The following BTK variants were observed in gnomAD, a reference collection of about 807,000 sequenced individuals.
BTK encodes the protein tyrosine-protein kinase BTK.
Under a neutral mutation model 57.4 loss-of-function variants are expected in BTK, and 5 were observed. The observed-to-expected ratio is 0.09, with a 90% CI of 0.05 to 0.18. The LOEUF is 0.18. Among genes scored for constraint, BTK ranks in the 10% least tolerant of loss-of-function variants. BTK has a pLI of 1.00. For synonymous variants in BTK, 154 were observed against 174.3 expected, an observed-to-expected ratio of 0.88 and a Z score of 0.92; for missense variants, 194 against 501.2, an observed-to-expected ratio of 0.39 and a Z score of 5.85.
chrX:101,381,843 C>T (rs1203350775), intron 1 of BTK, among the ~76,000 whole-genome samples: 1 of 109,868 alleles, frequency 9.1e-6, no homozygotes, highest in Non-Finnish European at 1.9e-5. Context: ...GCCAGCCTGA[C>T]CAACATGGAG....
At chrX:101,360,263 T>C in intron 8 of BTK, 113 bp from the exon 9 acceptor site, 1 of 581,501 alleles carries the variant, frequency 1.7e-6, no homozygotes, top group Non-Finnish European at 3.0e-6. Context: ...GGTATATGTA[T>C]CATGCACCTC....
At position 101,349,638 on chromosome X, in the gene BTK, C is replaced by A. The variant is rs1926206712; in HGVS notation, c.*247G>T. On this transcript the variant is annotated 3_prime_UTR_variant, in exon 19 of 19. Transcript: ENST00000308731. ...CATCCTCCCTCCTAAAAAATATTTT[C>A]ATCGCAAATTCAGTCTGTCTTAATT... The A allele has an allele frequency of 8.2e-6, 3 of 366,673 alleles. No homozygotes were observed. The highest frequency in any genetic ancestry group is 4.7e-5 in the Admixed American group (1 of 21,373). The allele number at this position is 366,673 out of a possible 1,213,427, so 30.2% of individuals were successfully genotyped here. A position where few individuals can be genotyped will look rare whatever the true frequency, so the allele number is the denominator to read the frequency against.
chrX:101,358,582 C>G lies in BTK; in HGVS notation c.974+35G>C, dbSNP rs1555978183. On this transcript the variant is annotated intron_variant, in intron 11 of 18. Transcript: ENST00000308731. Reference sequence around the variant, plus strand: ...GAGCTATTAGGAGGGTACCCCTGTTCTTTGTCCTCAGGGCCTTGGAATAGT... The same window carrying G: ...GAGCTATTAGGAGGGTACCCCTGTTGTTTGTCCTCAGGGCCTTGGAATAGT... The G allele has an allele frequency of 3.4e-6, 4 of 1,189,833 alleles. No individual in the cohort carries two copies. In the Admixed American group the frequency reaches 8.7e-5, roughly 26 times the overall value.
intron 1 of BTK, chrX:101,378,005 TG>T (rs3216389): frequency 0.12 from 13,303 of 111,428 alleles, 795 homozygotes; most frequent in South Asian, 0.26. Context: ...TCCAGAAGGT[TG>T]GTGTGTAACA....
chrX:101,362,684 G>T lies in BTK; in HGVS notation c.397C>A (p.Arg133=), dbSNP rs141567416. 2.5e-6 allele frequency: 3 copies of T among 1,210,323 alleles called. No individual in the cohort carries two copies. The highest frequency in any genetic ancestry group is 3.5e-5 in the African/African-American group (2 of 57,322). ...RWIHQLKNVI[R]YNSDLVQKYH... The stretch of plus-strand genomic sequence containing the variant: ...TTCTGAACCAGATCACTGTTGTACC[G>T]GATTACTGTAGCAGGAAAGAAGAGA... The change falls in exon 6 of 19, where the codon CGG becomes AGG. Residue 133 remains arginine, a synonymous_variant. Transcript: ENST00000308731.
intron 13 of BTK, 129 bp downstream of exon 13, chrX:101,357,380 C>A: frequency 1.7e-6 from 1 of 605,975 alleles, no homozygotes; most frequent in Admixed American, 2.5e-5. Context: ...TTGCTTGGAT[C>A]TGTCTTGAGC....
chrX:101,366,932 G>A lies in BTK; in HGVS notation c.391+3066C>T, dbSNP rs143417164. Among the ~76,000 whole-genome samples, 905 of 112,457 alleles carry A rather than the reference G, an allele frequency of 8.0e-3. 9 individuals carry two copies. The highest frequency in any genetic ancestry group is 0.028 in the African/African-American group (856 of 30,985). The stretch of plus-strand genomic sequence containing the variant: ...AAGCAGCACATAATCAAGATTGTAA[G>A]GTTAACATCTGAGTTAGGAAACCAA... On this transcript the variant is annotated intron_variant, in intron 5 of 18. Coordinates refer to ENST00000308731, the MANE Select transcript of BTK (RefSeq NM_000061.3).
chrX:101,374,757 G>GAAAA lies in BTK; in HGVS notation c.142-124_142-123insTTTT. Reference sequence around the variant, plus strand: ...TGGCACCAGGACCTGTCATGTGGGGGAAGAAAAAAAAATCCTTCCAGATCT... The same window carrying GAAAA: ...TGGCACCAGGACCTGTCATGTGGGGGAAAAAAGAAAAAAAAATCCTTCCAGATCT... On this transcript the variant is annotated intron_variant, in intron 2 of 18. Coordinates refer to ENST00000308731, the MANE Select transcript of BTK (RefSeq NM_000061.3). 5 of 599,026 alleles carry GAAAA rather than the reference G, an allele frequency of 8.3e-6. No homozygotes were observed. The Admixed American group carries it at 8.5e-5, about 10-fold the overall frequency. 49.4% of individuals were successfully genotyped at this position (599,026 alleles called of 1,213,427 possible).
intron 5 of BTK, among the ~76,000 whole-genome samples, chrX:101,367,567 C>A (rs1329988668): frequency 1.8e-5 from 2 of 109,062 alleles, no homozygotes; most frequent in African/African-American, 6.7e-5. Context: ...ACTCGGGAGG[C>A]GGAGGTTGCA....
At chrX:101,374,699 G>C (rs1927150564) in intron 2 of BTK, 65 bp from the exon 3 acceptor site, 2 of 958,094 alleles carry the variant, frequency 2.1e-6, no homozygotes, top group Non-Finnish European at 3.0e-6. Flanking sequence ...CAGATGATTA[G>C]ATTTTGTTAT....
chrX:101,371,765 G>A, intron 3 of BTK, 64 bp from the exon 4 acceptor site: 1 of 951,108 alleles, frequency 1.1e-6, no homozygotes, highest in Non-Finnish European at 1.5e-6. Context: ...ATTTCCTTAG[G>A]TACTAGAAGC....
chrX:101,375,509 G>A (rs1555980928), intron 1 of BTK, among the ~76,000 whole-genome samples, 195 bp from the exon 2 acceptor site: 1 of 112,020 alleles, frequency 8.9e-6, no homozygotes, highest in African/African-American at 3.2e-5. Flanking sequence ...CTGAATTGGG[G>A]GGGGATTGGT....
chrX:101,356,298 C>A, intron 14 of BTK, 30 bp from the exon 15 acceptor site: 2 of 1,167,710 alleles, frequency 1.7e-6, no homozygotes, highest in Non-Finnish European at 2.3e-6. Flanking sequence ...CTAGTCTTCT[C>A]CTTTTGGCTC....
Position 101,356,888 on chromosome X carries a change from T to G in BTK, c.1245A>C (p.Val415=). 2.5e-6 allele frequency: 3 copies of G among 1,211,697 alleles called. No individual in the cohort carries two copies. The highest frequency in any genetic ancestry group is 3.4e-6 in the Non-Finnish European group (3 of 895,347). Reference sequence around the variant, plus strand: ...GGCCTCTCCATTTCCCATACTTCACTACCCCAAATTGTCCAGTCCCCAGCT... The same window carrying G: ...GGCCTCTCCATTTCCCATACTTCACGACCCCAAATTGTCCAGTCCCCAGCT... The part of the protein sequence containing the change: ...LKELGTGQFG[V]VKYGKWRGQY... The change falls in exon 14 of 19, where the codon GTA becomes GTC. Residue 415 remains valine (V), a synonymous_variant. Transcript: ENST00000308731.
chrX:101,355,875 C>A, intron 15 of BTK, 177 bp downstream of exon 15: 1 of 516,095 alleles, frequency 1.9e-6, no homozygotes, highest in Non-Finnish European at 3.4e-6. Context: ...GGAGCTGAGG[C>A]TGGAGATATT....
chrX:101,370,353 TA>T (rs1404076635), intron 4 of BTK, among the ~76,000 whole-genome samples: 1 of 112,043 alleles, frequency 8.9e-6, no homozygotes, highest in Non-Finnish European at 1.9e-5. Flanking sequence ...AAACTTATTT[TA>T]TAAGGTCTCC....
chrX:101,361,147 C>T (rs1404392007), intron 7 of BTK, among the ~76,000 whole-genome samples: 15 of 109,700 alleles, frequency 1.4e-4, no homozygotes, highest in African/African-American at 4.3e-4. Context: ...CCCCAGGAGG[C>T]GGAGGTTGTA....
intron 17 of BTK, 86 bp from the exon 18 acceptor site, chrX:101,353,437 T>G (rs1390785057): frequency 5.1e-6 from 5 of 984,570 alleles, no homozygotes; most frequent in African/African-American, 3.8e-5. Context: ...CCTCAAAGAT[T>G]AGAATCAGTT....
intron 16 of BTK, chrX:101,354,235 C>T: frequency 2.4e-6 from 1 of 422,678 alleles, no homozygotes; most frequent in Non-Finnish European, 4.1e-6. Context: ...TAGGTACTCC[C>T]TTCCTCTTCT....
Sources: gnomAD v4.1 joint callset for allele counts (sites outside exome capture counted in the v4.1 genomes callset) on GRCh38, gnomAD v4.1.1 for gene constraint, MANE v1.5 for transcripts, NCBI Gene and HGNC (gene_info 2026-07-23, HGNC 2026-07-21) for gene names.